KIAA0319: variants seen among roughly 807,000 people sequenced by gnomAD.
KIAA0319 encodes the protein dyslexia-associated protein KIAA0319.
KIAA0319 carries 83 observed loss-of-function variants against 108.4 expected under a neutral mutation model. That is an observed-to-expected ratio of 0.77 (90% confidence interval 0.64 to 0.92). The LOEUF (loss-of-function observed/expected upper bound fraction) is 0.92, where lower values mean the gene tolerates loss of function less well. Among genes scored for constraint, KIAA0319 ranks in the 40% least tolerant of loss-of-function variants. The probability of loss-of-function intolerance (pLI) is 0.00; values close to 1 mark genes in which losing one functional copy is unlikely to be tolerated. For synonymous variants in KIAA0319, 484 were observed against 510.4 expected (o/e 0.95, Z 0.70); for missense variants, 1,195 against 1,322.4 (o/e 0.90, Z 1.49).
intron 16 of KIAA0319, among the ~76,000 whole-genome samples, chr6:24,561,186 T>G (rs552900630): frequency 6.6e-6 from 1 of 152,344 alleles, no homozygotes; most frequent in Admixed American, 6.5e-5. Context: ...TCACAAGGGA[T>G]ATTGGTCTGT....
chr6:24,576,912 A>C (rs989717180), intron 9 of KIAA0319, among the ~76,000 whole-genome samples: 3 of 152,122 alleles, frequency 2.0e-5, no homozygotes, highest in African/African-American at 7.2e-5. Flanking sequence ...GCAGCAGAGC[A>C]ACAGACTGTC....
chr6:24,556,530 A>G, intron 18 of KIAA0319, 77 bp downstream of exon 18: 2 of 1,512,954 alleles, frequency 1.3e-6, no homozygotes, highest in Non-Finnish European at 1.8e-6. Flanking sequence ...CTCGAATATT[A>G]GGCAGATATT....
chr6:24,608,249 C>CA (rs1469744770), intron 1 of KIAA0319, among the ~76,000 whole-genome samples: 1 of 151,686 alleles, frequency 6.6e-6, no homozygotes, highest in African/African-American at 2.4e-5. Context: ...CTGAGGAACA[C>CA]AAAAAAACCT....
At chr6:24,576,102 G>A (rs1209911823) in intron 10 of KIAA0319, among the ~76,000 whole-genome samples, 1 of 152,148 alleles carries the variant, frequency 6.6e-6, no homozygotes, top group East Asian at 1.9e-4. Flanking sequence ...TAACAGATGT[G>A]AGACTTTTCC....
At chr6:24,580,028 T>C (rs1766239823) in intron 7 of KIAA0319, 78 bp from the exon 8 acceptor site, 2 of 1,120,370 alleles carry the variant, frequency 1.8e-6, no homozygotes, top group African/African-American at 3.1e-5. Context: ...TCATCTACTT[T>C]AAAAAATTGA....
intron 1 of KIAA0319, among the ~76,000 whole-genome samples, chr6:24,616,573 C>T (rs574307684): frequency 3.3e-5 from 5 of 152,230 alleles, no homozygotes; most frequent in Non-Finnish European, 5.9e-5. Context: ...AGGATGGTCT[C>T]GATTTCTTGA....
chr6:24,564,415 C>T (rs1763603558), intron 14 of KIAA0319, 75 bp from the exon 15 acceptor site: 1 of 1,575,114 alleles, frequency 6.3e-7, no homozygotes. Context: ...TGATCCTAAA[C>T]CTCAGTGTCC....
At chr6:24,563,274 A>G in intron 16 of KIAA0319, 85 bp downstream of exon 16, 1 of 1,416,690 alleles carries the variant, frequency 7.1e-7, no homozygotes, top group Non-Finnish European at 9.5e-7. Flanking sequence ...TAGCAGAGGA[A>G]TGAACAGTTT....
At chr6:24,644,663 A>G (rs1344529805) in intron 1 of KIAA0319, among the ~76,000 whole-genome samples, 1 of 151,920 alleles carries the variant, frequency 6.6e-6, no homozygotes, top group Non-Finnish European at 1.5e-5. Context: ...TTACATTCAT[A>G]CATTACCAAA....
Position 24,596,107 on chromosome 6 carries a change from C to G in KIAA0319, c.567G>C (p.Pro189=). The part of the protein sequence containing the change: ...SAEYTDWGLL[P]GSEGAFNSSV... Reference sequence around the variant, plus strand: ...AGGAGTTGAAGGCCCCCTCGCTGCCCGGCAGTAGGCCCCAGTCCGTGTACT... The same window carrying G: ...AGGAGTTGAAGGCCCCCTCGCTGCCGGGCAGTAGGCCCCAGTCCGTGTACT... The change falls in exon 3 of 21, where the codon CCG becomes CCC. Residue 189 remains proline, a synonymous_variant. Transcript: ENST00000378214. 2.5e-6 allele frequency: 4 copies of G among 1,614,066 alleles called. No homozygotes were observed. The highest frequency in any genetic ancestry group is 3.4e-6 in the Non-Finnish European group (4 of 1,179,976).
chr6:24,565,452 G>C (rs1224558546), intron 14 of KIAA0319, among the ~76,000 whole-genome samples: 1 of 151,364 alleles, frequency 6.6e-6, no homozygotes, highest in Non-Finnish European at 1.5e-5. Context: ...TGTCTAGTTT[G>C]ATTAAAAATG....
At chr6:24,582,967 G>T in intron 5 of KIAA0319, 1 of 490,746 alleles carries the variant, frequency 2.0e-6, no homozygotes, top group Non-Finnish European at 2.6e-6. Context: ...TCATCTCTGT[G>T]TATAAAATTT....
intron 1 of KIAA0319, among the ~76,000 whole-genome samples, chr6:24,617,392 G>A (rs1023290364): frequency 6.6e-6 from 1 of 152,016 alleles, no homozygotes; most frequent in African/African-American, 2.4e-5. Context: ...TCTGTATCTA[G>A]TAAAACAGCA....
Position 24,551,470 on chromosome 6 carries a change from C to G in KIAA0319, c.3004G>C (p.Asp1002His), listed in dbSNP as rs764057053. 2.5e-6 allele frequency: 4 copies of G among 1,612,446 alleles called. No individual in the cohort carries two copies. In the South Asian group the frequency reaches 3.3e-5, roughly 13 times the overall value. Residue 1002 changes from aspartate (D) to histidine (H), a missense_variant, in exon 20 of 21, where the codon GAT becomes CAT. Transcript: ENST00000378214. ...KTKYTILDNM[D>H]EQERMELRPK... The stretch of plus-strand genomic sequence containing the variant: ...CTCAGTTCCATTCTTTCCTGTTCAT[C>G]CATGTTATCCAGGATGGTGTACTTT...
intron 1 of KIAA0319, among the ~76,000 whole-genome samples, chr6:24,618,035 C>T (rs1156646332): frequency 2.0e-5 from 3 of 151,708 alleles, no homozygotes; most frequent in Non-Finnish European, 4.4e-5. Context: ...AGAAATAGAA[C>T]CTCGTTCATG....
chr6:24,541,244 A>ATC (rs997545272), downstream of KIAA0319, among the ~76,000 whole-genome samples: 4 of 152,128 alleles, frequency 2.6e-5, no homozygotes, highest in African/African-American at 9.7e-5. Flanking sequence ...GACGCCTCTC[A>ATC]TCTTGGCTTG....
At chr6:24,601,013 T>G in intron 2 of KIAA0319, 36 bp downstream of exon 2, 3 of 1,613,716 alleles carry the variant, frequency 1.9e-6, no homozygotes, top group Non-Finnish European at 2.5e-6. Flanking sequence ...GAAACTCAAG[T>G]CCAACACGGG....
Position 24,555,232 on chromosome 6 carries a change from C to T in KIAA0319, c.2858-601G>A, listed in dbSNP as rs561947127. On this transcript the variant is annotated intron_variant, in intron 18 of 20. Transcript: ENST00000378214. ...CTCTATTAGGCAGGGTGCGGTGGCT[C>T]ACGCCTGTAATCCCAACACTCTGGG... Among the ~76,000 whole-genome samples the T allele has an allele frequency of 3.3e-5, 5 of 152,314 alleles. No homozygotes were observed. The South Asian group carries it at 1.0e-3, about 32-fold the overall frequency.
At chr6:24,635,347 A>C (rs1484815767) in intron 1 of KIAA0319, among the ~76,000 whole-genome samples, 2 of 152,052 alleles carry the variant, frequency 1.3e-5, no homozygotes, top group African/African-American at 4.8e-5. Context: ...CAGGTGACCC[A>C]ATCGCCTTGG....
Sources: gnomAD v4.1 joint callset for allele counts (sites outside exome capture counted in the v4.1 genomes callset) on GRCh38, gnomAD v4.1.1 for gene constraint, MANE v1.5 for transcripts, NCBI Gene and HGNC (gene_info 2026-07-23, HGNC 2026-07-21) for gene names.